The following SMARCA2 variants were observed in gnomAD, a reference collection of about 807,000 sequenced individuals.
SMARCA2 encodes the protein SWI/SNF-related matrix-associated actin-dependent regulator of chromatin subfamily A member 2.
SMARCA2 carries 61 observed loss-of-function variants against 199.8 expected under a neutral mutation model. That is an observed-to-expected ratio of 0.31 (90% CI 0.25 to 0.38). SMARCA2 has a LOEUF of 0.38. Ranked by LOEUF, SMARCA2 falls within the 10% of genes least tolerant of loss-of-function variation. The probability of loss-of-function intolerance (pLI) is 1.00; values close to 1 mark genes in which losing one functional copy is unlikely to be tolerated. For synonymous variants in SMARCA2, 935 were observed against 732.0 expected (o/e 1.28, Z -4.48); for missense variants, 1,344 against 2,012.2 (o/e 0.67, Z 6.35).
intron 19 of SMARCA2, among the ~76,000 whole-genome samples, chr9:2,094,572 G>A (rs1049189748): frequency 1.3e-5 from 2 of 152,206 alleles, no homozygotes; most frequent in African/African-American, 4.8e-5. Flanking sequence ...GGCAGAGCTA[G>A]GAAGCCTGAA....
chr9:2,066,634 C>G (rs981458595), intron 9 of SMARCA2, among the ~76,000 whole-genome samples: 2 of 152,140 alleles, frequency 1.3e-5, no homozygotes, highest in Non-Finnish European at 2.9e-5. Context: ...GTTCTAAACT[C>G]TTTTGCATGT....
At chr9:2,088,766 G>A (rs920790556) in intron 19 of SMARCA2, among the ~76,000 whole-genome samples, 153 bp downstream of exon 19, 1 of 151,884 alleles carries the variant, frequency 6.6e-6, no homozygotes, top group Non-Finnish European at 1.5e-5. Flanking sequence ...TTGTTTGATA[G>A]GGCTAGAGAG....
chr9:2,132,583 C>G (rs904196405), intron 27 of SMARCA2, among the ~76,000 whole-genome samples: 2 of 152,068 alleles, frequency 1.3e-5, no homozygotes, highest in African/African-American at 2.4e-5. Flanking sequence ...AAACATGGAC[C>G]CTTTTTTCTT....
intron 27 of SMARCA2, among the ~76,000 whole-genome samples, chr9:2,136,182 GCTTCTTTT>G (rs1824186505): frequency 7.2e-6 from 1 of 138,112 alleles, no homozygotes; most frequent in South Asian, 2.3e-4. Context: ...ATTATCCCCT[GCTTCTTTT>G]TTTTTTTTTT....
intron 14 of SMARCA2, among the ~76,000 whole-genome samples, chr9:2,081,369 C>A (rs1273317560): frequency 6.6e-6 from 1 of 152,188 alleles, no homozygotes; most frequent in African/African-American, 2.4e-5. Context: ...GTGGTCCCAG[C>A]AGAGTGTCCC....
chr9:2,042,885 C>A (rs909666501), intron 4 of SMARCA2: 2 of 152,064 alleles, frequency 1.3e-5, no homozygotes, highest in Non-Finnish European at 2.9e-5. Flanking sequence ...TAGAATGAGC[C>A]CATTTCTGTC....
In SMARCA2 at chr9:2,110,331, C is replaced by G; in HGVS notation, c.3370C>G (p.Leu1124Val). The G allele has an allele frequency of 6.2e-7, 1 of 1,613,482 alleles. No homozygotes were observed. Among genetic ancestry groups the G allele is most frequent in the Non-Finnish European group, 8.5e-7 (1 of 1,179,658 alleles). The change falls in exon 24 of 34, where the codon CTG becomes GTG. Residue 1124 changes from leucine (L) to valine (V), a missense_variant. Coordinates refer to ENST00000349721, the MANE Select transcript of SMARCA2 (RefSeq NM_003070.5). The surrounding 1 kb of genome is among the most constrained non-coding windows in gnomAD (Gnocchi z 4.8). ...EPGSQYFIFL[L>V]STRAGGLGLN... ...TGGATCCCAGTATTTCATTTTCTTG[C>G]TGAGCACAAGAGCTGGTGGCCTGGG...
chr9:2,145,510 G>A (rs998430547), intron 27 of SMARCA2, among the ~76,000 whole-genome samples: 2 of 152,136 alleles, frequency 1.3e-5, no homozygotes, highest in Non-Finnish European at 2.9e-5. Flanking sequence ...TGGTCAGGCG[G>A]TAGAATCATC....
intron 24 of SMARCA2, among the ~76,000 whole-genome samples, chr9:2,113,231 C>A (rs919473274): frequency 6.6e-6 from 1 of 151,964 alleles, no homozygotes; most frequent in African/African-American, 2.4e-5. Context: ...TACCTAGAAG[C>A]AAAGATAGAA....
In SMARCA2 at chr9:2,056,217, C is replaced by G. The variant is rs1820347748; in HGVS notation, c.1174-455C>G. Among the ~76,000 whole-genome samples, 1 of 152,180 alleles carries G rather than the reference C, an allele frequency of 6.6e-6. No individual in the cohort carries two copies. Reference sequence around the variant, plus strand: ...ACTATGAATTAACGTTGTTTGAGTACCTGCTGCTACCACACGTGAAAGTAA... The same window carrying G: ...ACTATGAATTAACGTTGTTTGAGTAGCTGCTGCTACCACACGTGAAAGTAA... On this transcript the variant is annotated intron_variant, in intron 6 of 33. Coordinates refer to ENST00000349721, the MANE Select transcript of SMARCA2 (RefSeq NM_003070.5). This position sits in a 1 kb window ranked among gnomAD's most constrained non-coding sequence, Gnocchi z 4.0.
chr9:2,067,794 A>T (rs1180116440), intron 9 of SMARCA2, among the ~76,000 whole-genome samples: 1 of 152,242 alleles, frequency 6.6e-6, no homozygotes, highest in East Asian at 1.9e-4. Context: ...ATAGAACTTT[A>T]AAAAATAGTT....
intron 9 of SMARCA2, among the ~76,000 whole-genome samples, chr9:2,067,806 T>C (rs1043330132): frequency 2.6e-5 from 4 of 152,228 alleles, no homozygotes; most frequent in Middle Eastern, 3.2e-3. Context: ...AAAATAGTTT[T>C]GGGGATTTTA....
At position 2,087,084 on chromosome 9, in the gene SMARCA2, G is replaced by T; in HGVS notation, c.2769+13G>T. The stretch of plus-strand genomic sequence containing the variant: ...GACTGGTGAAAGGGTACTGGTCTGA[G>T]TTCTGTTTTTTCCACTGCATGATAA... On this transcript the variant is annotated intron_variant, in intron 18 of 33. Coordinates refer to ENST00000349721, the MANE Select transcript of SMARCA2 (RefSeq NM_003070.5). 6.2e-7 allele frequency: 1 copy of T among 1,613,866 alleles called. No homozygotes were observed. Among genetic ancestry groups the T allele is most frequent in the Non-Finnish European group, 8.5e-7 (1 of 1,179,824 alleles).
chr9:2,152,271 G>C (rs1263788204), intron 27 of SMARCA2, among the ~76,000 whole-genome samples: 2 of 152,238 alleles, frequency 1.3e-5, no homozygotes, highest in Admixed American at 6.5e-5. Context: ...GTGAAGAAAG[G>C]CTGGGTGCCA....
At chr9:2,065,972 C>T (rs181933362) in intron 9 of SMARCA2, among the ~76,000 whole-genome samples, 200 of 152,324 alleles carry the variant, frequency 1.3e-3, no homozygotes, top group Non-Finnish European at 2.4e-3. Context: ...TTGATTTTCT[C>T]TATAAGAAAC....
At chr9:2,077,858 C>G in intron 14 of SMARCA2, 82 bp downstream of exon 14, 1 of 1,301,096 alleles carries the variant, frequency 7.7e-7, no homozygotes, top group African/African-American at 1.5e-5. Flanking sequence ...CACATGTTGA[C>G]TAAGGGCTTT....
chr9:2,181,383 G>T, intron 29 of SMARCA2, 188 bp from the exon 30 acceptor site: 1 of 495,172 alleles, frequency 2.0e-6, no homozygotes, highest in Non-Finnish European at 3.6e-6. Flanking sequence ...ATTTTACTGT[G>T]ATCTTAAAAT....
chr9:2,054,158 G>C (rs908358323), intron 5 of SMARCA2, among the ~76,000 whole-genome samples: 1 of 152,208 alleles, frequency 6.6e-6, no homozygotes, highest in Non-Finnish European at 1.5e-5. Context: ...TGGCAAAGAA[G>C]ACAAATGGTC....
intron 28 of SMARCA2, among the ~76,000 whole-genome samples, chr9:2,163,562 C>T (rs888592484): frequency 2.6e-5 from 4 of 152,132 alleles, no homozygotes; most frequent in South Asian, 2.1e-4. Flanking sequence ...ATTATTATGC[C>T]GTATTTTCTC....
Sources: gnomAD v4.1 joint callset for allele counts (sites outside exome capture counted in the v4.1 genomes callset) on GRCh38, gnomAD v4.1.1 for gene constraint, Gnocchi (gnomAD v3.1) non-coding constraint, MANE v1.5 for transcripts, NCBI Gene and HGNC (gene_info 2026-07-23, HGNC 2026-07-21) for gene names.